The following CACNA1B variants were observed in gnomAD, a reference collection of about 807,000 sequenced individuals.
The protein encoded by CACNA1B is calcium voltage-gated channel subunit alpha1 B, also known as voltage-dependent N-type calcium channel subunit alpha-1B.
CACNA1B carries 70 observed loss-of-function variants against 247.2 expected under a neutral mutation model. The ratio of observed to expected loss-of-function variants is 0.28; its 90% CI spans 0.23 to 0.35. The LOEUF is 0.35. Among genes scored for constraint, CACNA1B ranks in the 10% least tolerant of loss-of-function variants. CACNA1B has a pLI of 1.00. For synonymous variants in CACNA1B, 1,231 were observed against 1,294.4 expected, an observed-to-expected ratio of 0.95 and a Z score of 1.05; for missense variants, 2,367 against 3,197.4, an observed-to-expected ratio of 0.74 and a Z score of 6.26.
In CACNA1B at chr9:137,880,568, C is replaced by A. The variant is rs1480789008; in HGVS notation, c.390+1409C>A. On this transcript the variant is annotated intron_variant, in intron 2 of 46. Transcript: ENST00000371372. The surrounding 1 kb of genome is among the most constrained non-coding windows in gnomAD (Gnocchi z 4.8). ...CTTGCCCTGCCAGGCAGTGGGTGTC[C>A]AGCCTTGCAAGTTCCTGCCTCGCAG... Among the ~76,000 whole-genome samples the A allele has an allele frequency of 1.3e-5, 2 of 152,316 alleles. No homozygotes were observed. The highest frequency in any genetic ancestry group is 3.9e-4 in the East Asian group (2 of 5,178).
chr9:137,981,814 G>T (rs934354925), intron 12 of CACNA1B, among the ~76,000 whole-genome samples: 2 of 152,152 alleles, frequency 1.3e-5, no homozygotes, highest in Non-Finnish European at 1.5e-5. Flanking sequence ...ATGCAACAGT[G>T]TGGCTAAATT....
In CACNA1B at chr9:138,121,333, G is replaced by A. The variant is rs895995154; in HGVS notation, c.6490-136G>A. 17 of 643,164 alleles carry A rather than the reference G, an allele frequency of 2.6e-5. No homozygotes were observed. The highest frequency in any genetic ancestry group is 1.1e-4 in the African/African-American group (6 of 54,210). The allele number at this position is 643,164 out of a possible 1,614,324, so 39.8% of individuals were successfully genotyped here. A position where few individuals can be genotyped will look rare whatever the true frequency, so the allele number is the denominator to read the frequency against. ...GGTGCCTGTTGCCTCCCTGGTCACC[G>A]CAGCCCGTTGTCCCCCATTGCCTCC... On this transcript the variant is annotated intron_variant, in intron 46 of 46. Transcript: ENST00000371372. The surrounding 1 kb of genome is among the most constrained non-coding windows in gnomAD (Gnocchi z 6.8).
intron 6 of CACNA1B, among the ~76,000 whole-genome samples, chr9:137,932,244 T>TG (rs1372005418): frequency 3.9e-5 from 6 of 152,192 alleles, no homozygotes; most frequent in African/African-American, 1.2e-4. Context: ...TTTCTACTCT[T>TG]GCTGTTCTTC....
chr9:138,120,183 C>T lies in CACNA1B; in HGVS notation c.6049C>T (p.Pro2017Ser), dbSNP rs370284687. The change falls in exon 45 of 47, where the codon CCC becomes TCC. Residue 2017 changes from proline (P) to serine (S), a missense_variant. Around this residue, in one of 12 missense-constraint regions of CACNA1B, gnomAD observed 773 missense variants for 779.4 expected, o/e 0.99. Coordinates refer to ENST00000371372, the MANE Select transcript of CACNA1B (RefSeq NM_000718.4). Reference sequence around the variant, plus strand: ...CCCACAGCCCGTCACAGATGCCAGCCCCATGAAGCGCTCCATCTCCACGCT... The same window carrying T: ...CCCACAGCCCGTCACAGATGCCAGCTCCATGAAGCGCTCCATCTCCACGCT... ...AETQPVTDAS[P>S]MKRSISTLAQ... is the part of the protein sequence containing the mutation. 6.2e-7 allele frequency: 1 copy of T among 1,605,646 alleles called. No individual in the cohort carries two copies. The highest frequency in any genetic ancestry group is 8.5e-7 in the Non-Finnish European group (1 of 1,177,058).
In CACNA1B at chr9:137,922,283, G is replaced by A. The variant is rs527636342; in HGVS notation, c.966+4852G>A. 6.8e-5 allele frequency among the ~76,000 whole-genome samples: 10 copies of A among 147,570 alleles called. No individual in the cohort carries two copies. In the South Asian group the frequency reaches 1.5e-3, roughly 22 times the overall value. On this transcript the variant is annotated intron_variant, in intron 6 of 46. Coordinates refer to ENST00000371372, the MANE Select transcript of CACNA1B (RefSeq NM_000718.4). ...GGAGAACATGATCAGCACCACGACC[G>A]CACAGCATCCTGGGAGCAGAATAAA...
chr9:137,996,298 T>C (rs985324802), intron 15 of CACNA1B, among the ~76,000 whole-genome samples: 1 of 152,210 alleles, frequency 6.6e-6, no homozygotes. Context: ...GAAAACGTAG[T>C]GTATACCAGT....
chr9:138,107,663 A>G (rs1012442519), intron 39 of CACNA1B, among the ~76,000 whole-genome samples: 2 of 151,890 alleles, frequency 1.3e-5, no homozygotes, highest in Non-Finnish European at 2.9e-5. Context: ...TCTGCCTTCA[A>G]CACAACAGCC....
rs925801343 is a variant in CACNA1B, at chr9:137,913,685, T to G, written c.622+414T>G. Among the ~76,000 whole-genome samples the G allele has an allele frequency of 6.6e-6, 1 of 152,206 alleles. No homozygotes were observed. Among genetic ancestry groups the G allele is most frequent in the African/African-American group, 2.4e-5 (1 of 41,456 alleles). Reference sequence around the variant, plus strand: ...CAGTCTTGTCAGGGCCACTGGGGACTGAGGCCAGCCTTAAGACATGCTCCT... The same window carrying G: ...CAGTCTTGTCAGGGCCACTGGGGACGGAGGCCAGCCTTAAGACATGCTCCT... On this transcript the variant is annotated intron_variant, in intron 4 of 46. Coordinates refer to ENST00000371372, the MANE Select transcript of CACNA1B (RefSeq NM_000718.4). The surrounding 1 kb of genome is among the most constrained non-coding windows in gnomAD (Gnocchi z 5.2).
intron 9 of CACNA1B, 88 bp downstream of exon 9, chr9:137,956,915 C>A: frequency 9.0e-7 from 1 of 1,107,054 alleles, no homozygotes; most frequent in Non-Finnish European, 1.4e-6. Flanking sequence ...ATGTTTCACG[C>A]GAAGTGCTCT....
At chr9:138,092,319 G>C (rs140872378) in intron 36 of CACNA1B, among the ~76,000 whole-genome samples, 116 of 152,302 alleles carry the variant, frequency 7.6e-4, no homozygotes, top group Non-Finnish European at 1.4e-3. Context: ...CACAATCCCA[G>C]AGCAGCAGTC....
intron 41 of CACNA1B, among the ~76,000 whole-genome samples, chr9:138,114,851 C>T (rs1459196236): frequency 1.3e-5 from 2 of 152,140 alleles, no homozygotes; most frequent in African/African-American, 4.8e-5. Flanking sequence ...GTTTTCCCTT[C>T]ACACAGAGAG....
chr9:138,015,471 T>G (rs192930152), intron 18 of CACNA1B, among the ~76,000 whole-genome samples: 1 of 151,168 alleles, frequency 6.6e-6, no homozygotes, highest in East Asian at 1.9e-4. Flanking sequence ...CCTGTTCTCC[T>G]GGTGGGACGA....
At position 137,913,041 on chromosome 9, in the gene CACNA1B, C is replaced by T. The variant is rs1020169580; in HGVS notation, c.531-139C>T. The stretch of plus-strand genomic sequence containing the variant: ...CAGTGGGGGGACACAGGTGCTGGCC[C>T]TGTGGTTGGACAGTGGGGACACAGG... On this transcript the variant is annotated intron_variant, in intron 3 of 46. Transcript: ENST00000371372. This position sits in a 1 kb window ranked among gnomAD's most constrained non-coding sequence, Gnocchi z 5.2. The T allele has an allele frequency of 4.3e-5, 29 of 669,692 alleles. No homozygotes were observed. Among genetic ancestry groups the T allele is most frequent in the Non-Finnish European group, 7.6e-5 (29 of 379,616 alleles). The allele number at this position is 669,692 out of a possible 1,614,324, so 41.5% of individuals were successfully genotyped here.
At chr9:138,013,052 C>G in intron 17 of CACNA1B, 77 bp from the exon 18 acceptor site, 1 of 1,056,374 alleles carries the variant, frequency 9.5e-7, no homozygotes. Flanking sequence ...GGAGGAAGAG[C>G]TGATGTTATA....
At chr9:138,062,821 G>A (rs565586882) in intron 31 of CACNA1B, among the ~76,000 whole-genome samples, 1 of 152,344 alleles carries the variant, frequency 6.6e-6, no homozygotes, top group African/African-American at 2.4e-5. Context: ...GTCTGTTGGA[G>A]ACCTCACTTG....
intron 6 of CACNA1B, among the ~76,000 whole-genome samples, chr9:137,951,160 A>G (rs1471554037): frequency 5.9e-5 from 9 of 152,244 alleles, no homozygotes; most frequent in Admixed American, 2.0e-4. Flanking sequence ...GAGTCCGGAC[A>G]GAGGTGTGGT....
chr9:137,909,147 C>T (rs994265815), intron 3 of CACNA1B, among the ~76,000 whole-genome samples: 6 of 152,012 alleles, frequency 3.9e-5, no homozygotes, highest in Admixed American at 2.0e-4. Context: ...TGCACCACCA[C>T]GCCTGGCTAA....
In CACNA1B at chr9:138,098,288, G is replaced by A. The variant is rs962610913; in HGVS notation, c.5222+1677G>A. Among the ~76,000 whole-genome samples the A allele has an allele frequency of 6.0e-4, 92 of 152,242 alleles. 1 individual carries two copies. The highest frequency in any genetic ancestry group is 1.9e-3 in the African/African-American group (79 of 41,548). On this transcript the variant is annotated intron_variant, in intron 37 of 46. Coordinates refer to ENST00000371372, the MANE Select transcript of CACNA1B (RefSeq NM_000718.4). The stretch of plus-strand genomic sequence containing the variant: ...GACCTGTGGTCAAGTAAGCCCAGTC[G>A]ACCTGGGGGAGACTGACCACATTGA...
At position 138,059,197 on chromosome 9, in the gene CACNA1B, C is replaced by G. The variant is rs1433302209; in HGVS notation, c.4584+8C>G. 6.5e-7 allele frequency: 1 copy of G among 1,543,564 alleles called. No individual in the cohort carries two copies. The highest frequency in any genetic ancestry group is 9.0e-7 in the Non-Finnish European group (1 of 1,116,518). ...ATCGCCTTTGGGGTGCTGGTACGTG[C>G]TTTGGTCCCTGCTTTGCCTTTTGAC... On this transcript the variant is annotated splice_region_variant and intron_variant, in intron 30 of 46. Transcript: ENST00000371372. The surrounding 1 kb of genome is among the most constrained non-coding windows in gnomAD (Gnocchi z 4.2).
Sources: gnomAD v4.1 joint callset for allele counts (sites outside exome capture counted in the v4.1 genomes callset) on GRCh38, gnomAD v4.1.1 for gene constraint, gnomAD v4.1.1 regional missense constraint, Gnocchi (gnomAD v3.1) non-coding constraint, MANE v1.5 for transcripts, NCBI Gene and HGNC (gene_info 2026-07-23, HGNC 2026-07-21) for gene names.